ZBTB20: variants seen among roughly 807,000 people sequenced by gnomAD.
ZBTB20 encodes the protein zinc finger and BTB domain containing 20.
In ZBTB20, 9 loss-of-function variants were observed where a neutral mutation model predicts 56.9. The observed-to-expected ratio is 0.16, with a 90% CI of 0.10 to 0.28. The LOEUF is 0.28. Ranked by LOEUF, ZBTB20 falls within the 10% of genes least tolerant of loss-of-function variation. ZBTB20 has a pLI of 1.00. For missense variants in ZBTB20, 655 were observed against 1,003.0 expected (o/e 0.65, Z 4.69); for synonymous variants, 417 against 420.7 (o/e 0.99, Z 0.11).
intron 10 of ZBTB20, among the ~76,000 whole-genome samples, chr3:114,378,013 G>A (rs1033212260): frequency 2.0e-5 from 3 of 151,864 alleles, no homozygotes; most frequent in Admixed American, 2.0e-4. Flanking sequence ...CCCCAAATCT[G>A]TTAGTTCTAA....
intron 10 of ZBTB20, among the ~76,000 whole-genome samples, chr3:114,372,225 G>C (rs563846779): frequency 6.6e-6 from 1 of 152,328 alleles, no homozygotes; most frequent in East Asian, 1.9e-4. Context: ...GTCACTAGCA[G>C]CTGTAGATAA....
chr3:114,901,551 C>A (rs925826698), intron 3 of ZBTB20, among the ~76,000 whole-genome samples: 4 of 151,774 alleles, frequency 2.6e-5, no homozygotes, highest in Non-Finnish European at 5.9e-5. Flanking sequence ...TCCCAGGAAT[C>A]AAATGTAATA....
intron 1 of ZBTB20, among the ~76,000 whole-genome samples, chr3:115,097,518 A>T (rs985954853): frequency 1.3e-5 from 2 of 152,108 alleles, no homozygotes; most frequent in Admixed American, 6.6e-5. Context: ...TTATCAGCAC[A>T]CACACGTTAA....
intron 4 of ZBTB20, among the ~76,000 whole-genome samples, chr3:114,879,723 G>T (rs2076326012): frequency 6.6e-6 from 1 of 152,128 alleles, no homozygotes. Flanking sequence ...AGAATTATCT[G>T]TTGGTATCCG....
intron 6 of ZBTB20, among the ~76,000 whole-genome samples, chr3:114,510,544 C>T (rs2045234956): frequency 6.6e-6 from 1 of 151,718 alleles, no homozygotes; most frequent in Admixed American, 6.6e-5. Context: ...CTTTAAATGA[C>T]CCAGCAGCAG....
At chr3:114,758,516 A>G (rs1310114070) in intron 5 of ZBTB20, among the ~76,000 whole-genome samples, 1 of 152,194 alleles carries the variant, frequency 6.6e-6, no homozygotes, top group African/African-American at 2.4e-5. Context: ...AGTTGTACCC[A>G]AATATGTTCG....
At chr3:114,374,107 G>C (rs1280785101) in intron 10 of ZBTB20, among the ~76,000 whole-genome samples, 3 of 152,092 alleles carry the variant, frequency 2.0e-5, no homozygotes, top group Admixed American at 2.0e-4. Context: ...GGGTATAAAA[G>C]GTAACGAAAA....
chr3:114,457,733 T>C (rs2092106033), intron 7 of ZBTB20, among the ~76,000 whole-genome samples: 1 of 152,098 alleles, frequency 6.6e-6, no homozygotes, highest in Non-Finnish European at 1.5e-5. Context: ...ACTACCAATA[T>C]CCGCATTTCA....
At chr3:115,017,688 A>G (rs2080028815) in intron 2 of ZBTB20, among the ~76,000 whole-genome samples, 1 of 151,616 alleles carries the variant, frequency 6.6e-6, no homozygotes, top group Non-Finnish European at 1.5e-5. Flanking sequence ...AAGTTAAATT[A>G]TATACAATTT....
chr3:114,618,666 G>A (rs1238692827), intron 6 of ZBTB20, among the ~76,000 whole-genome samples: 1 of 152,156 alleles, frequency 6.6e-6, no homozygotes, highest in African/African-American at 2.4e-5. Context: ...TACAGTCTGT[G>A]TACAGTAAGT....
chr3:114,471,519 C>T (rs2040126245), intron 7 of ZBTB20, among the ~76,000 whole-genome samples: 1 of 152,166 alleles, frequency 6.6e-6, no homozygotes, highest in African/African-American at 2.4e-5. Context: ...GTGGTGGGTC[C>T]AGCAGGGTTG....
At chr3:114,726,830 T>C (rs1360755686) in intron 5 of ZBTB20, among the ~76,000 whole-genome samples, 1 of 139,992 alleles carries the variant, frequency 7.1e-6, no homozygotes, top group Non-Finnish European at 1.5e-5. Flanking sequence ...GATAATTGCT[T>C]GAACCTGGGA....
intron 6 of ZBTB20, among the ~76,000 whole-genome samples, chr3:114,516,297 C>T (rs1449755077): frequency 1.3e-5 from 2 of 152,198 alleles, no homozygotes; most frequent in African/African-American, 4.8e-5. Flanking sequence ...GGTGACACCA[C>T]ACTACTCAGC....
intron 2 of ZBTB20, among the ~76,000 whole-genome samples, chr3:114,983,554 A>G (rs78410993): frequency 2.0e-5 from 3 of 151,962 alleles, no homozygotes; most frequent in African/African-American, 7.2e-5. Flanking sequence ...CAAGCAAAGC[A>G]CCTGATCAGT....
chr3:114,678,186 T>G (rs1461362753), intron 6 of ZBTB20, among the ~76,000 whole-genome samples: 1 of 152,182 alleles, frequency 6.6e-6, no homozygotes, highest in African/African-American at 2.4e-5. Context: ...CCTCTTCACA[T>G]TTGGATTCAC....
At chr3:114,675,263 A>G (rs1205797631) in intron 6 of ZBTB20, among the ~76,000 whole-genome samples, 1 of 140,364 alleles carries the variant, frequency 7.1e-6, no homozygotes, top group Non-Finnish European at 1.5e-5. Flanking sequence ...GCTTGGGAAA[A>G]TTGCTCCTTG....
chr3:114,669,956 A>C lies in ZBTB20; in HGVS notation c.-295+23572T>G, dbSNP rs77015460. ...ATGTCAATTATATATGAAAGGAAGA[A>C]CAAATATAAAGGAAATTTGAAAATC... On this transcript the variant is annotated intron_variant, in intron 6 of 11. Coordinates refer to ENST00000675478, the MANE Select transcript of ZBTB20 (RefSeq NM_001348800.3). 7.9e-5 allele frequency among the ~76,000 whole-genome samples: 12 copies of C among 152,252 alleles called. No individual in the cohort carries two copies. The East Asian group carries it at 2.1e-3, about 27-fold the overall frequency.
At chr3:115,050,625 T>C (rs1255738397) in intron 2 of ZBTB20, among the ~76,000 whole-genome samples, 2 of 152,096 alleles carry the variant, frequency 1.3e-5, no homozygotes, top group African/African-American at 4.8e-5. Flanking sequence ...ATTTATTAAC[T>C]TTTATTTCAC....
At chr3:114,859,571 C>CTT (rs2075414397) in intron 4 of ZBTB20, among the ~76,000 whole-genome samples, 3 of 48,984 alleles carry the variant, frequency 6.1e-5, no homozygotes, top group African/African-American at 2.0e-4. Context: ...CTTCTTATGG[C>CTT]GTTTTTTTTT....
Sources: gnomAD v4.1 joint callset for allele counts (sites outside exome capture counted in the v4.1 genomes callset) on GRCh38, gnomAD v4.1.1 for gene constraint, MANE v1.5 for transcripts, NCBI Gene and HGNC (gene_info 2026-07-23, HGNC 2026-07-21) for gene names.